MTUS2: variants seen among roughly 807,000 people sequenced by gnomAD.
The protein encoded by MTUS2 is microtubule-associated tumor suppressor candidate 2.
In MTUS2, 40 loss-of-function variants were observed where a neutral mutation model predicts 114.1. The observed-to-expected ratio is 0.35, with a 90% CI of 0.27 to 0.46. MTUS2 has a LOEUF of 0.46. MTUS2 is among the 20% of genes least tolerant of loss of function. MTUS2 has a pLI of 1.00. For synonymous variants in MTUS2, 688 were observed against 672.0 expected (o/e 1.02, Z -0.37); for missense variants, 1,679 against 1,705.4 (o/e 0.98, Z 0.27).
At chr13:29,341,368 G>A (rs191843955) in intron 7 of MTUS2, among the ~76,000 whole-genome samples, 4 of 152,120 alleles carry the variant, frequency 2.6e-5, no homozygotes, top group Non-Finnish European at 4.4e-5. Context: ...GGTGGTTATC[G>A]CATTGTGGCT....
intron 4 of MTUS2, among the ~76,000 whole-genome samples, chr13:29,095,743 A>G (rs1198333129): frequency 6.6e-6 from 1 of 151,758 alleles, no homozygotes; most frequent in Non-Finnish European, 1.5e-5. Context: ...TGCCACTGCA[A>G]ATCTGTTGTA....
intron 9 of MTUS2, among the ~76,000 whole-genome samples, chr13:29,467,620 G>A (rs183405296): frequency 1.3e-5 from 2 of 152,026 alleles, no homozygotes; most frequent in African/African-American, 4.8e-5. Context: ...GTTCTCACTT[G>A]GACAGCATTT....
At chr13:29,179,066 TTCAGAAATTTC>T (rs763591476) in intron 5 of MTUS2, among the ~76,000 whole-genome samples, 2 of 152,190 alleles carry the variant, frequency 1.3e-5, no homozygotes, top group Non-Finnish European at 2.9e-5. Context: ...TACCCAGACA[TTCAGAAATTTC>T]TGTAGAGCAC....
intron 2 of MTUS2, among the ~76,000 whole-genome samples, chr13:28,871,346 G>C (rs1877605799): frequency 2.0e-5 from 3 of 152,262 alleles, no homozygotes; most frequent in Admixed American, 6.5e-5. Flanking sequence ...CTAGTTATGA[G>C]GAGCTTTTCA....
intron 8 of MTUS2, among the ~76,000 whole-genome samples, chr13:29,414,828 T>C (rs1442414259): frequency 6.6e-6 from 1 of 151,966 alleles, no homozygotes; most frequent in Non-Finnish European, 1.5e-5. Context: ...TCCTTCTAAT[T>C]GCTTCCTTTT....
chr13:29,157,897 GTGTCAGT>G (rs1452274069), intron 5 of MTUS2, among the ~76,000 whole-genome samples: 3 of 152,268 alleles, frequency 2.0e-5, no homozygotes, highest in African/African-American at 7.2e-5. Context: ...ACTGGGCATA[GTGTCAGT>G]CAAGAGTAAT....
intron 1 of MTUS2, among the ~76,000 whole-genome samples, chr13:28,835,341 C>T (rs1462023945): frequency 6.6e-6 from 1 of 152,028 alleles, no homozygotes; most frequent in Non-Finnish European, 1.5e-5. Context: ...AGTGAAGTAC[C>T]GATTTCTGGT....
intron 5 of MTUS2, among the ~76,000 whole-genome samples, chr13:29,214,179 TG>T (rs1174934356): frequency 1.1e-4 from 5 of 47,598 alleles, no homozygotes; most frequent in African/African-American, 2.4e-4. Context: ...TATACTACAT[TG>T]TTTTTTTTTT....
intron 6 of MTUS2, among the ~76,000 whole-genome samples, chr13:29,323,365 T>C (rs1208611275): frequency 1.3e-5 from 2 of 151,932 alleles, no homozygotes; most frequent in African/African-American, 4.8e-5. Context: ...TTCTCCTGCC[T>C]CAGCCTCCCG....
intron 9 of MTUS2, among the ~76,000 whole-genome samples, chr13:29,444,379 C>T (rs1016185709): frequency 2.6e-5 from 4 of 152,150 alleles, no homozygotes; most frequent in African/African-American, 4.8e-5. Context: ...GACAGTGAGC[C>T]GAGATTGCGC....
chr13:28,955,554 C>T (rs1452855086), intron 2 of MTUS2, among the ~76,000 whole-genome samples: 4 of 152,262 alleles, frequency 2.6e-5, no homozygotes, highest in African/African-American at 9.6e-5. Flanking sequence ...TGATGGTTTT[C>T]TAGGTGTCTG....
At chr13:29,381,153 T>A (rs1593374713) in intron 8 of MTUS2, among the ~76,000 whole-genome samples, 1 of 152,274 alleles carries the variant, frequency 6.6e-6, no homozygotes, top group Non-Finnish European at 1.5e-5. Flanking sequence ...CTCAGGGGCA[T>A]GTATCTGGGC....
At chr13:28,900,514 G>T (rs1436049504) in intron 2 of MTUS2, among the ~76,000 whole-genome samples, 2 of 152,122 alleles carry the variant, frequency 1.3e-5, no homozygotes, top group Non-Finnish European at 2.9e-5. Flanking sequence ...CTTGTCATTT[G>T]AAGACAAAAT....
Position 29,025,726 on chromosome 13 carries a change from T to C in MTUS2, c.1028T>C (p.Leu343Ser). The change falls in exon 3 of 16, where the codon TTG becomes TCG. Residue 343 changes from leucine (L) to serine (S), a missense_variant. By Grantham distance (145) the Leu-to-Ser change is moderately radical. Transcript: ENST00000612955. Reference protein sequence around the residue: ...GCHKEENLSALEGRDPCGEAH... With the variant: ...GCHKEENLSASEGRDPCGEAH... Reference sequence around the variant, plus strand: ...CACAAGGAAGAGAATCTGTCAGCCTTGGAGGGAAGGGATCCATGTGGGGAA... The same window carrying C: ...CACAAGGAAGAGAATCTGTCAGCCTCGGAGGGAAGGGATCCATGTGGGGAA... 1 of 1,613,864 alleles carries C rather than the reference T, an allele frequency of 6.2e-7. No individual in the cohort carries two copies. The highest frequency in any genetic ancestry group is 8.5e-7 in the Non-Finnish European group (1 of 1,179,844).
chr13:29,397,814 C>A (rs1472573838), intron 8 of MTUS2, among the ~76,000 whole-genome samples: 4 of 152,178 alleles, frequency 2.6e-5, no homozygotes, highest in African/African-American at 7.2e-5. Context: ...ACAAGTATTC[C>A]AAATGCTTAC....
intron 5 of MTUS2, among the ~76,000 whole-genome samples, chr13:29,142,883 T>G (rs187185358): frequency 6.6e-6 from 1 of 152,178 alleles, no homozygotes; most frequent in Non-Finnish European, 1.5e-5. Flanking sequence ...AGGGGCAACA[T>G]GTACATAAAG....
At chr13:29,014,188 G>A (rs1047673727) in intron 2 of MTUS2, among the ~76,000 whole-genome samples, 3 of 152,212 alleles carry the variant, frequency 2.0e-5, no homozygotes, top group Non-Finnish European at 4.4e-5. Context: ...GCAGACTGGG[G>A]CTGAGGAGCC....
intron 2 of MTUS2, among the ~76,000 whole-genome samples, chr13:28,933,001 A>G (rs956287533): frequency 2.6e-5 from 4 of 152,164 alleles, no homozygotes; most frequent in Non-Finnish European, 4.4e-5. Flanking sequence ...AATAAAGAGG[A>G]AAAAAGGTAA....
chr13:29,055,002 C>G (rs1888066762), intron 4 of MTUS2, among the ~76,000 whole-genome samples: 1 of 151,980 alleles, frequency 6.6e-6, no homozygotes, highest in Non-Finnish European at 1.5e-5. Flanking sequence ...CAAGTATGGT[C>G]TGTGCTTATG....
Sources: gnomAD v4.1 joint callset for allele counts (sites outside exome capture counted in the v4.1 genomes callset) on GRCh38, gnomAD v4.1.1 for gene constraint, MANE v1.5 for transcripts, NCBI Gene and HGNC (gene_info 2026-07-23, HGNC 2026-07-21) for gene names.